RASGRF2: variants seen among roughly 807,000 people sequenced by gnomAD.
RASGRF2 encodes Ras protein specific guanine nucleotide releasing factor 2.
A neutral mutation model predicts 151.0 loss-of-function variants in RASGRF2; 76 were observed. That is an observed-to-expected ratio of 0.50 (90% CI 0.42 to 0.61). RASGRF2 has a LOEUF of 0.61. RASGRF2 is among the 20% of genes least tolerant of loss of function. The pLI is 0.00. For synonymous variants in RASGRF2, 504 were observed against 566.5 expected (o/e 0.89, Z 1.57); for missense variants, 1,148 against 1,564.6 (o/e 0.73, Z 4.49).
At chr5:81,156,762 C>A (rs1305772078) in intron 17 of RASGRF2, among the ~76,000 whole-genome samples, 1 of 152,100 alleles carries the variant, frequency 6.6e-6, no homozygotes, top group African/African-American at 2.4e-5. Flanking sequence ...ATGTAAAGAA[C>A]AATATCAACG....
In RASGRF2 at chr5:81,222,005, A is replaced by G. The variant is rs573451476; in HGVS notation, c.3621+2227A>G. 3.3e-5 allele frequency among the ~76,000 whole-genome samples: 5 copies of G among 152,258 alleles called. No homozygotes were observed. In the South Asian group the frequency reaches 1.0e-3, roughly 32 times the overall value. ...CACGCTGACTCTGGAGGGGGAGAAAAAAGATGCTCTAGACTCATCTTTTAT... is the reference window on the plus strand; with the variant it reads ...CACGCTGACTCTGGAGGGGGAGAAAGAAGATGCTCTAGACTCATCTTTTAT... On this transcript the variant is annotated intron_variant, in intron 26 of 26. Transcript: ENST00000265080.
rs1012033336 is a variant in RASGRF2, at chr5:81,228,740, CA to C, written c.*2972del. ...ACAGGGACAAATCTCTTACCTAATC[CA>C]ATATATTATTTGACAGATTCAGGCA... On this transcript the variant is annotated 3_prime_UTR_variant, in exon 27 of 27. Transcript: ENST00000265080. The C allele has an allele frequency of 6.6e-6, 1 of 152,100 alleles. No individual in the cohort carries two copies. The highest frequency in any genetic ancestry group is 1.5e-5 in the Non-Finnish European group (1 of 68,024). 9.4% of individuals were successfully genotyped at this position (152,100 alleles called of 1,614,324 possible).
At chr5:81,148,695 G>A (rs1754060981) in intron 17 of RASGRF2, among the ~76,000 whole-genome samples, 1 of 136,860 alleles carries the variant, frequency 7.3e-6, no homozygotes, top group Admixed American at 7.3e-5. Flanking sequence ...GAGGGGGAGG[G>A]ATAGCATTAG....
intron 1 of RASGRF2, among the ~76,000 whole-genome samples, chr5:81,001,222 T>C (rs758454761): frequency 6.6e-6 from 1 of 152,188 alleles, no homozygotes; most frequent in Non-Finnish European, 1.5e-5. Context: ...TTTTATTAGA[T>C]TTACGAATGA....
intron 17 of RASGRF2, among the ~76,000 whole-genome samples, chr5:81,172,658 C>T (rs1302302463): frequency 6.6e-6 from 1 of 152,192 alleles, no homozygotes; most frequent in Admixed American, 6.5e-5. Context: ...TAAGAAACTG[C>T]CCCTTCACAT....
At chr5:81,211,841 T>A (rs1356687255) in intron 22 of RASGRF2, among the ~76,000 whole-genome samples, 1 of 152,228 alleles carries the variant, frequency 6.6e-6, no homozygotes, top group Non-Finnish European at 1.5e-5. Flanking sequence ...GAAGAAAATG[T>A]TCTTTTCCTT....
intron 9 of RASGRF2, among the ~76,000 whole-genome samples, chr5:81,089,636 G>A (rs1262645110): frequency 1.3e-5 from 2 of 152,196 alleles, no homozygotes; most frequent in African/African-American, 4.8e-5. Context: ...TTGAATAAAT[G>A]TGTGAGTGTC....
At chr5:81,070,624 A>C (rs772426529) in intron 4 of RASGRF2, 43 bp downstream of exon 4, 18 of 1,512,802 alleles carry the variant, frequency 1.2e-5, no homozygotes, top group Non-Finnish European at 1.6e-5. Flanking sequence ...CATGGTGACC[A>C]GTCGTCTGTT....
intron 16 of RASGRF2, among the ~76,000 whole-genome samples, 167 bp from the exon 17 acceptor site, chr5:81,126,907 A>G (rs1753470803): frequency 6.6e-6 from 1 of 152,236 alleles, no homozygotes; most frequent in Non-Finnish European, 1.5e-5. Context: ...TTATAGACCC[A>G]GAGTGGAATT....
At chr5:81,056,514 G>C (rs1751217988) in intron 2 of RASGRF2, among the ~76,000 whole-genome samples, 1 of 152,068 alleles carries the variant, frequency 6.6e-6, no homozygotes, top group Non-Finnish European at 1.5e-5. Flanking sequence ...AACTTCTGTT[G>C]TTTTACATTT....
intron 17 of RASGRF2, among the ~76,000 whole-genome samples, chr5:81,175,372 CAA>C (rs1754751546): frequency 6.6e-6 from 1 of 152,132 alleles, no homozygotes; most frequent in Non-Finnish European, 1.5e-5. Context: ...TAACAGCAAC[CAA>C]AGAGTAGAAA....
intron 17 of RASGRF2, among the ~76,000 whole-genome samples, chr5:81,132,683 C>T (rs1753653728): frequency 6.6e-6 from 1 of 152,164 alleles, no homozygotes; most frequent in Non-Finnish European, 1.5e-5. Flanking sequence ...ACTAACTAAA[C>T]TGTTAAAGCT....
intron 1 of RASGRF2, among the ~76,000 whole-genome samples, chr5:80,994,877 T>C (rs942428578): frequency 2.0e-5 from 3 of 152,214 alleles, no homozygotes; most frequent in Admixed American, 1.3e-4. Context: ...CCATTTTAAG[T>C]GCTCATCTCC....
At chr5:81,006,688 G>A (rs942531800) in intron 1 of RASGRF2, among the ~76,000 whole-genome samples, 21 of 151,880 alleles carry the variant, frequency 1.4e-4, no homozygotes, top group African/African-American at 5.1e-4. Flanking sequence ...AGACCTCTCG[G>A]ATCCCCCTTT....
chr5:81,225,666 C>A lies in RASGRF2; in HGVS notation c.3622-12C>A, dbSNP rs7725743. On this transcript the variant is annotated splice_polypyrimidine_tract_variant and intron_variant, in intron 26 of 26. Coordinates refer to ENST00000265080, the MANE Select transcript of RASGRF2 (RefSeq NM_006909.3). ...AAAGAGGTAAAAGCTGGGACTTCCC[C>A]TTTTTTTTCAGGTCGCACAGTACTT... 110,689 of 1,608,206 alleles carry A rather than the reference C, an allele frequency of 0.069. 4,223 individuals are homozygous for A. Among genetic ancestry groups the A allele is most frequent in the South Asian group, 0.1 (9,230 of 89,888 alleles).
rs772223510 is a variant in RASGRF2, at chr5:81,215,267, CTTTTTTT to C, written c.3355-594_3355-588del. ...GACAAGCACATGCTGAATATAGAAT[CTTTTTTT>C]TTTTTTTTTTTTTTGAGATGGAGTC... On this transcript the variant is annotated intron_variant, in intron 23 of 26. Coordinates refer to ENST00000265080, the MANE Select transcript of RASGRF2 (RefSeq NM_006909.3). Among the ~76,000 whole-genome samples the C allele has an allele frequency of 6.7e-5, 8 of 119,782 alleles. No individual in the cohort carries two copies. In the East Asian group the frequency reaches 2.0e-3, roughly 30 times the overall value. 78.6% of individuals were successfully genotyped at this position (119,782 alleles called of 152,430 possible).
intron 23 of RASGRF2, among the ~76,000 whole-genome samples, chr5:81,215,162 A>G (rs561317622): frequency 6.6e-6 from 1 of 152,252 alleles, no homozygotes; most frequent in East Asian, 1.9e-4. Context: ...AACATCGTGA[A>G]ACTCTGTCTC....
intron 18 of RASGRF2, among the ~76,000 whole-genome samples, chr5:81,190,446 A>G (rs1755132190): frequency 6.6e-6 from 1 of 152,216 alleles, no homozygotes; most frequent in Non-Finnish European, 1.5e-5. Flanking sequence ...TTTGGATTCC[A>G]TTGTTAGCTT....
At chr5:80,996,660 C>T (rs1395902537) in intron 1 of RASGRF2, among the ~76,000 whole-genome samples, 2 of 146,678 alleles carry the variant, frequency 1.4e-5, no homozygotes, top group East Asian at 2.0e-4. Context: ...AGTGCAGTGG[C>T]GCAATCTTGG....
Sources: gnomAD v4.1 joint callset for allele counts (sites outside exome capture counted in the v4.1 genomes callset) on GRCh38, gnomAD v4.1.1 for gene constraint, MANE v1.5 for transcripts, NCBI Gene and HGNC (gene_info 2026-07-23, HGNC 2026-07-21) for gene names.